CORO2B: variants seen among roughly 807,000 people sequenced by gnomAD.
CORO2B encodes the protein coronin 2B, also known as coronin-2B.
Under a neutral mutation model 58.8 loss-of-function variants are expected in CORO2B, and 26 were observed. That is an observed-to-expected ratio of 0.44 (90% CI 0.32 to 0.61). The LOEUF is 0.61. CORO2B is among the 20% of genes least tolerant of loss of function. The pLI, the probability that CORO2B is intolerant of heterozygous loss-of-function variation, is 0.04. For missense variants in CORO2B, 460 were observed against 645.1 expected, an observed-to-expected ratio of 0.71 and a Z score of 3.11; for synonymous variants, 242 against 253.8, an observed-to-expected ratio of 0.95 and a Z score of 0.44.
At chr15:68,525,090 A>C in the CORO2B span, among the ~76,000 whole-genome samples, 1 of 152,178 alleles carries the variant, frequency 6.6e-6, no homozygotes. Context: ...AATCAGCCAA[A>C]TCTGCCACTC....
At chr15:68,681,451 A>G (rs1027554938) in intron 2 of CORO2B, among the ~76,000 whole-genome samples, 6 of 152,160 alleles carry the variant, frequency 3.9e-5, no homozygotes, top group Admixed American at 3.9e-4. Context: ...TAGGACACCC[A>G]TGATCTGGCA....
chr15:68,707,231 T>C (rs1372977691), intron 3 of CORO2B, among the ~76,000 whole-genome samples: 5 of 152,320 alleles, frequency 3.3e-5, no homozygotes, highest in Non-Finnish European at 7.3e-5. Flanking sequence ...ACAGGTGGCA[T>C]TTTTGACCTA....
chr15:68,548,702 A>G, the CORO2B span, among the ~76,000 whole-genome samples: 8 of 152,334 alleles, frequency 5.3e-5, no homozygotes, highest in East Asian at 1.5e-3. Context: ...GAGAGTATTA[A>G]TGTCTCCAAA....
At chr15:68,706,447 C>T (rs754571396) in intron 3 of CORO2B, among the ~76,000 whole-genome samples, 2 of 152,228 alleles carry the variant, frequency 1.3e-5, no homozygotes, top group African/African-American at 2.4e-5. Context: ...CAACACCACA[C>T]CCCACTGGCT....
intron 3 of CORO2B, among the ~76,000 whole-genome samples, chr15:68,701,804 C>T (rs1892658856): frequency 6.6e-6 from 1 of 152,040 alleles, no homozygotes; most frequent in Non-Finnish European, 1.5e-5. Context: ...TTCTTTACCT[C>T]TGAGTACCAG....
chr15:68,711,350 A>T (rs1402889622), intron 4 of CORO2B, among the ~76,000 whole-genome samples, 192 bp from the exon 5 acceptor site: 1 of 152,162 alleles, frequency 6.6e-6, no homozygotes, highest in Non-Finnish European at 1.5e-5. Flanking sequence ...CTGACCAAGG[A>T]TATTGATGGA....
Position 68,726,589 on chromosome 15 carries a change from T to TA in CORO2B, c.*617dup, listed in dbSNP as rs1255610485. 6.5e-6 allele frequency: 1 copy of TA among 154,812 alleles called. No homozygotes were observed. The highest frequency in any genetic ancestry group is 1.4e-5 in the Non-Finnish European group (1 of 69,694). 9.6% of individuals were successfully genotyped at this position (154,812 alleles called of 1,614,324 possible). ...TTCAGAGGATTGCTCTCCAAGGCCA[T>TA]AATGACCCCTTGCCTTCCCCATGAT... On this transcript the variant is annotated 3_prime_UTR_variant, in exon 12 of 12. Coordinates refer to ENST00000261861, the MANE Select transcript of CORO2B (RefSeq NM_006091.5).
At chr15:68,659,557 T>G (rs999867128) in intron 2 of CORO2B, among the ~76,000 whole-genome samples, 1 of 151,938 alleles carries the variant, frequency 6.6e-6, no homozygotes, top group African/African-American at 2.4e-5. Context: ...TAAAAAAATT[T>G]TTTTGATTAA....
At chr15:68,580,753 A>G (rs1337357930) in intron 1 of CORO2B, among the ~76,000 whole-genome samples, 1 of 152,084 alleles carries the variant, frequency 6.6e-6, no homozygotes, top group Non-Finnish European at 1.5e-5. Flanking sequence ...CAGAGGAGTA[A>G]TGGATGGGCC....
At chr15:68,587,323 G>A (rs888723701) in intron 1 of CORO2B, among the ~76,000 whole-genome samples, 2 of 152,168 alleles carry the variant, frequency 1.3e-5, no homozygotes, top group African/African-American at 4.8e-5. Context: ...TCCCCTGTAT[G>A]AGATAAGTGT....
intron 1 of CORO2B, chr15:68,632,372 C>A (rs1383284155): frequency 4.1e-6 from 4 of 985,296 alleles, no homozygotes; most frequent in Non-Finnish European, 4.8e-6. Context: ...GCATTCAGCT[C>A]GGTCCAGTAG....
the CORO2B span, among the ~76,000 whole-genome samples, chr15:68,526,005 A>G: frequency 1.4e-4 from 21 of 152,288 alleles, no homozygotes; most frequent in Admixed American, 3.9e-4. Flanking sequence ...TAGAGTTTCA[A>G]ATGAATGAAG....
the CORO2B span, among the ~76,000 whole-genome samples, chr15:68,542,553 C>A: frequency 6.6e-6 from 1 of 152,240 alleles, no homozygotes; most frequent in Admixed American, 6.5e-5. Flanking sequence ...GTGCTAACAA[C>A]AACCACCCTT....
chr15:68,691,790 A>ATGT (rs1892385332), intron 2 of CORO2B, among the ~76,000 whole-genome samples: 2 of 151,992 alleles, frequency 1.3e-5, no homozygotes, highest in Admixed American at 1.3e-4. Flanking sequence ...GGTTCCGGTG[A>ATGT]TGTTGCCTAA....
rs2140340931 is a variant in CORO2B, at chr15:68,726,925, C to T, written c.*951C>T. 6.6e-6 allele frequency: 1 copy of T among 152,490 alleles called. No homozygotes were observed. The highest frequency in any genetic ancestry group is 1.9e-4 in the East Asian group (1 of 5,184). The allele number at this position is 152,490 out of a possible 1,614,324, so 9.4% of individuals were successfully genotyped here. ...CCCAGCACCAGTAGTGCCGATGTGC[C>T]ACACTGCCCAGTTGAGGCCCCTCAC... On this transcript the variant is annotated 3_prime_UTR_variant, in exon 12 of 12. Coordinates refer to ENST00000261861, the MANE Select transcript of CORO2B (RefSeq NM_006091.5).
chr15:68,533,217 G>A, the CORO2B span, among the ~76,000 whole-genome samples: 1 of 152,004 alleles, frequency 6.6e-6, no homozygotes, highest in East Asian at 1.9e-4. Context: ...ATACTCCATG[G>A]TGCCTGTTAA....
intron 1 of CORO2B, among the ~76,000 whole-genome samples, chr15:68,596,490 A>G (rs1314515035): frequency 6.6e-6 from 1 of 152,128 alleles, no homozygotes; most frequent in Non-Finnish European, 1.5e-5. Flanking sequence ...CCTGCCTGCC[A>G]CGGAAAGCAC....
intron 1 of CORO2B, among the ~76,000 whole-genome samples, chr15:68,592,604 T>A (rs1348357728): frequency 3.3e-5 from 5 of 152,212 alleles, no homozygotes. Context: ...GAAAAAAGAT[T>A]CTTCCCAGCT....
At chr15:68,655,976 G>A (rs76863230) in intron 2 of CORO2B, among the ~76,000 whole-genome samples, 3,398 of 152,302 alleles carry the variant, frequency 0.022, 61 homozygotes, top group African/African-American at 0.046. Flanking sequence ...CCTGGGGGCA[G>A]TTGGGGCCCA....
Sources: allele counts gnomAD v4.1 joint callset (sites outside exome capture counted in the v4.1 genomes callset), GRCh38; gene constraint gnomAD v4.1.1; transcripts MANE v1.5; gene names NCBI Gene and HGNC (gene_info 2026-07-23, HGNC 2026-07-21).